STAC: variants seen among roughly 807,000 people sequenced by gnomAD.
STAC encodes SH3 and cysteine-rich domain-containing protein.
Under a neutral mutation model 48.8 loss-of-function variants are expected in STAC, and 43 were observed. The observed-to-expected ratio is 0.88, with a 90% CI of 0.69 to 1.14. The LOEUF is 1.14. Among genes scored for constraint, STAC ranks in the 50% most tolerant of loss-of-function variants. The pLI, the probability that STAC is intolerant of heterozygous loss-of-function variation, is 0.00. For synonymous variants in STAC, 193 were observed against 179.5 expected, an observed-to-expected ratio of 1.07 and a Z score of -0.60; for missense variants, 497 against 504.0, an observed-to-expected ratio of 0.99 and a Z score of 0.13.
intron 1 of STAC, among the ~76,000 whole-genome samples, chr3:36,393,745 C>G (rs1033044652): frequency 2.7e-5 from 4 of 150,004 alleles, no homozygotes; most frequent in Non-Finnish European, 5.9e-5. Flanking sequence ...AGGCCCTCAG[C>G]AGGAAATTGA....
intron 5 of STAC, among the ~76,000 whole-genome samples, chr3:36,490,732 C>T (rs375081822): frequency 6.6e-6 from 1 of 152,306 alleles, no homozygotes; most frequent in East Asian, 1.9e-4. Flanking sequence ...TGTCAGCCTC[C>T]TCATTTGAGG....
intron 8 of STAC, among the ~76,000 whole-genome samples, chr3:36,515,382 T>C (rs549065553): frequency 6.6e-6 from 1 of 152,208 alleles, no homozygotes; most frequent in South Asian, 2.1e-4. Flanking sequence ...GGGTTGAGAA[T>C]GTGCCTGGGA....
rs535317389 is a variant in STAC at position 36,543,718 on chromosome 3, G to C, written c.1111-2473G>C. Among the ~76,000 whole-genome samples, 8 of 152,210 alleles carry C rather than the reference G, an allele frequency of 5.3e-5. No homozygotes were observed. In the East Asian group the frequency reaches 1.5e-3, roughly 29 times the overall value. On this transcript the variant is annotated intron_variant, in intron 10 of 10. Transcript: ENST00000273183. Reference sequence around the variant, plus strand: ...AGAGATAATGAAATGCTCTGAAAATGACCCAAAAGACATTTTTTGGGTCAG... The same window carrying C: ...AGAGATAATGAAATGCTCTGAAAATCACCCAAAAGACATTTTTTGGGTCAG...
chr3:36,525,969 A>C (rs1308296548), intron 8 of STAC, among the ~76,000 whole-genome samples: 1 of 152,246 alleles, frequency 6.6e-6, no homozygotes, highest in African/African-American at 2.4e-5. Context: ...TCCAATTCCT[A>C]AACATGTCAG....
chr3:36,469,933 T>A (rs993386373), intron 2 of STAC, among the ~76,000 whole-genome samples: 4 of 152,214 alleles, frequency 2.6e-5, no homozygotes, highest in African/African-American at 9.6e-5. Flanking sequence ...TGTTTTTCAT[T>A]TATGCTACCT....
intron 2 of STAC, among the ~76,000 whole-genome samples, chr3:36,454,864 G>A (rs748095648): frequency 6.6e-6 from 1 of 152,118 alleles, no homozygotes; most frequent in African/African-American, 2.4e-5. Context: ...AAGGAAAGAG[G>A]CTGTCTCTCT....
At chr3:36,497,209 T>C (rs1470308386) in intron 6 of STAC, among the ~76,000 whole-genome samples, 3 of 152,200 alleles carry the variant, frequency 2.0e-5, no homozygotes, top group Admixed American at 6.5e-5. Context: ...ATATTTGTGG[T>C]ATGTTTCTGC....
intron 1 of STAC, among the ~76,000 whole-genome samples, chr3:36,418,802 CT>C (rs1211346852): frequency 6.6e-6 from 1 of 152,058 alleles, no homozygotes; most frequent in East Asian, 1.9e-4. Flanking sequence ...AATCCCAGCA[CT>C]TTGGGAGGCC....
intron 8 of STAC, among the ~76,000 whole-genome samples, chr3:36,511,562 C>T (rs769852701): frequency 2.0e-5 from 3 of 152,116 alleles, no homozygotes. Context: ...AAAAAAAATG[C>T]GGAGATAAAT....
At chr3:36,385,045 C>T (rs1465695214) in intron 1 of STAC, among the ~76,000 whole-genome samples, 1 of 152,064 alleles carries the variant, frequency 6.6e-6, no homozygotes. Flanking sequence ...CCAAGGGAAC[C>T]CAGGCCATAG....
chr3:36,453,596 G>C (rs898301696), intron 2 of STAC, among the ~76,000 whole-genome samples: 1 of 152,114 alleles, frequency 6.6e-6, no homozygotes, highest in East Asian at 1.9e-4. Context: ...CCCCTCCGTG[G>C]GTTCCTGTGC....
In STAC at chr3:36,496,416, AG is replaced by A. The variant is rs570435961; in HGVS notation, c.766+3189del. Among the ~76,000 whole-genome samples, 247 of 152,330 alleles carry A rather than the reference AG, an allele frequency of 1.6e-3. 2 individuals are homozygous for A. The highest frequency in any genetic ancestry group is 2.8e-3 in the Non-Finnish European group (188 of 68,026). On this transcript the variant is annotated intron_variant, in intron 6 of 10. Transcript: ENST00000273183. Reference sequence around the variant, plus strand: ...GTGTTGCTGTTCAGAAGCAGTGTCTAGGATTACAGTCACAACCAGTTCTGCA... The same window carrying A: ...GTGTTGCTGTTCAGAAGCAGTGTCTAGATTACAGTCACAACCAGTTCTGCA...
chr3:36,445,659 A>G (rs1224009736), intron 2 of STAC, among the ~76,000 whole-genome samples: 1 of 152,242 alleles, frequency 6.6e-6, no homozygotes, highest in Non-Finnish European at 1.5e-5. Flanking sequence ...TTCTGTCTCC[A>G]TATAGATTAC....
chr3:36,543,943 T>C (rs917993983), intron 10 of STAC, among the ~76,000 whole-genome samples: 5 of 152,232 alleles, frequency 3.3e-5, no homozygotes, highest in Admixed American at 6.5e-5. Flanking sequence ...CATGTTTTCA[T>C]GGTTCATGTT....
At chr3:36,398,938 T>C (rs1204363431) in intron 1 of STAC, among the ~76,000 whole-genome samples, 23 of 152,158 alleles carry the variant, frequency 1.5e-4, no homozygotes, top group Admixed American at 6.5e-5. Context: ...AGGTGTGCTG[T>C]CAGGAGAAAA....
intron 8 of STAC, among the ~76,000 whole-genome samples, chr3:36,511,246 T>C (rs1342235435): frequency 1.3e-5 from 2 of 152,182 alleles, no homozygotes; most frequent in Non-Finnish European, 1.5e-5. Context: ...ATTTCTTTAT[T>C]TATAAAAGAA....
intron 8 of STAC, among the ~76,000 whole-genome samples, chr3:36,506,513 T>C (rs1698407086): frequency 6.6e-6 from 1 of 152,150 alleles, no homozygotes; most frequent in Non-Finnish European, 1.5e-5. Context: ...ATAAATTACT[T>C]TGGGCAGTAT....
chr3:36,421,602 C>T (rs565895293), intron 1 of STAC, among the ~76,000 whole-genome samples: 1 of 152,212 alleles, frequency 6.6e-6, no homozygotes, highest in African/African-American at 2.4e-5. Context: ...AACCCAGAAG[C>T]TCTCTCTTAT....
intron 8 of STAC, among the ~76,000 whole-genome samples, chr3:36,520,444 G>A (rs1247965731): frequency 6.6e-6 from 1 of 152,152 alleles, no homozygotes; most frequent in Non-Finnish European, 1.5e-5. Context: ...TCAATGCTCT[G>A]TGCACAGGTC....
Sources: allele counts gnomAD v4.1 joint callset (sites outside exome capture counted in the v4.1 genomes callset), GRCh38; gene constraint gnomAD v4.1.1; transcripts MANE v1.5; gene names NCBI Gene and HGNC (gene_info 2026-07-23, HGNC 2026-07-21).